Variants in FRAS1 observed in about 807,000 individuals in gnomAD.
The protein encoded by FRAS1 is extracellular matrix organizing protein FRAS1.
In FRAS1, 290 loss-of-function variants were observed where a neutral mutation model predicts 435.2. The observed-to-expected ratio is 0.67, with a 90% CI of 0.61 to 0.73. FRAS1 has a LOEUF of 0.73. Among genes scored for constraint, FRAS1 ranks in the 30% least tolerant of loss-of-function variants. FRAS1 has a pLI of 0.00. For synonymous variants in FRAS1, 1,800 were observed against 1,851.0 expected (o/e 0.97, Z 0.71); for missense variants, 4,860 against 5,001.5 (o/e 0.97, Z 0.85).
chr4:78,306,327 G>C (rs894611803), intron 14 of FRAS1, among the ~76,000 whole-genome samples: 1 of 150,068 alleles, frequency 6.7e-6, no homozygotes, highest in Non-Finnish European at 1.5e-5. Context: ...TGGTGAATCT[G>C]ACAATTATGC....
Position 78,369,960 on chromosome 4 carries a change from G to T in FRAS1, c.2845G>T (p.Asp949Tyr). 1 of 1,613,216 alleles carries T rather than the reference G, an allele frequency of 6.2e-7. No individual in the cohort carries two copies. ...YESCAPQYYLDFSTNTCKECD... is the reference protein window; with the variant it reads ...YESCAPQYYLYFSTNTCKECD... The stretch of plus-strand genomic sequence containing the variant: ...GAGCTGCGCCCCACAGTACTATCTT[G>T]ACTTCTCCACCAACACGTGCAAAGG... Residue 949 changes from aspartate to tyrosine, a missense_variant, in exon 23 of 74, where the codon GAC becomes TAC. Physicochemically the swap from Asp to Tyr is radical, Grantham distance 160 (BLOSUM62 -3). Transcript: ENST00000512123.
At chr4:78,140,636 CATATGTGT>C (rs1720121170) in intron 2 of FRAS1, among the ~76,000 whole-genome samples, 1 of 150,582 alleles carries the variant, frequency 6.6e-6, no homozygotes, top group Admixed American at 6.6e-5. Context: ...TACGCATATA[CATATGTGT>C]ATATGTATAT....
chr4:78,315,480 C>A, intron 15 of FRAS1, 114 bp from the exon 16 acceptor site: 4 of 1,121,710 alleles, frequency 3.6e-6, no homozygotes, highest in Non-Finnish European at 5.0e-6. Context: ...TGCTGAGCAG[C>A]CAGAAAATGA....
intron 2 of FRAS1, among the ~76,000 whole-genome samples, chr4:78,118,707 T>G (rs927759538): frequency 3.9e-5 from 6 of 152,168 alleles, no homozygotes; most frequent in Non-Finnish European, 7.4e-5. Context: ...ATTTTCCAGG[T>G]GCTGTCTGTC....
chr4:78,361,066 C>T (rs977944829), intron 20 of FRAS1, among the ~76,000 whole-genome samples: 6 of 152,204 alleles, frequency 3.9e-5, no homozygotes, highest in African/African-American at 9.6e-5. Context: ...TTTCAGATAA[C>T]GGAGCCTTGA....
At chr4:78,097,413 G>T (rs555176113) in intron 2 of FRAS1, among the ~76,000 whole-genome samples, 42 of 152,164 alleles carry the variant, frequency 2.8e-4, no homozygotes, top group African/African-American at 1.0e-3. Context: ...CACTCTACTG[G>T]TACTCATTTA....
At chr4:78,303,706 G>T (rs1249362673) in intron 14 of FRAS1, among the ~76,000 whole-genome samples, 2 of 152,112 alleles carry the variant, frequency 1.3e-5, no homozygotes, top group African/African-American at 4.8e-5. Flanking sequence ...CATTGATTTT[G>T]TATCCTGAGA....
rs554673711 is a variant in FRAS1, at chr4:78,072,661, G to A, written c.108+6645G>A. ...AATACCCTTGTATTGAATATTGTAG[G>A]ATATCACCATTTTAAGTTATAGTTT... On this transcript the variant is annotated intron_variant, in intron 2 of 73. Coordinates refer to ENST00000512123, the MANE Select transcript of FRAS1 (RefSeq NM_025074.7). Among the ~76,000 whole-genome samples the A allele has an allele frequency of 8.7e-4, 133 of 152,150 alleles. 1 individual carries two copies. Among genetic ancestry groups the A allele is most frequent in the Non-Finnish European group, 4.9e-4 (33 of 68,014 alleles).
Position 78,387,627 on chromosome 4 carries a change from G to T in FRAS1, c.3901G>T (p.Asp1301Tyr). 1.2e-6 allele frequency: 2 copies of T among 1,609,090 alleles called. No individual in the cohort carries two copies. Among genetic ancestry groups the T allele is most frequent in the Non-Finnish European group, 1.7e-6 (2 of 1,176,440 alleles). Residue 1301 changes from aspartate (D) to tyrosine (Y), a missense_variant, in exon 29 of 74, where the codon GAT becomes TAT. Physicochemically the swap from Asp to Tyr is radical, Grantham distance 160. Transcript: ENST00000512123. ...TCATGATGGTTCAGACAGCACATCC[G>T]ATGTTGCAGTCTTGCAGGCCAATGA... The part of the protein sequence containing the change: ...YAHDGSDSTS[D>Y]VAVLQANDGH...
At chr4:78,527,480 G>A (rs1259989463) in intron 70 of FRAS1, among the ~76,000 whole-genome samples, 1 of 152,198 alleles carries the variant, frequency 6.6e-6, no homozygotes, top group African/African-American at 2.4e-5. Flanking sequence ...TCTAGGAGCT[G>A]AGCAAAGTAT....
At chr4:78,221,725 A>G (rs1724056728) in intron 2 of FRAS1, among the ~76,000 whole-genome samples, 1 of 152,188 alleles carries the variant, frequency 6.6e-6, no homozygotes, top group African/African-American at 2.4e-5. Flanking sequence ...ATATTGTCCT[A>G]CAAAGAGTTT....
At chr4:78,141,675 T>C (rs1720189299) in intron 2 of FRAS1, among the ~76,000 whole-genome samples, 1 of 152,070 alleles carries the variant, frequency 6.6e-6, no homozygotes, top group South Asian at 2.1e-4. Context: ...AAAAAGATAC[T>C]TGCACACTCA....
intron 70 of FRAS1, among the ~76,000 whole-genome samples, chr4:78,527,690 G>C (rs1022333841): frequency 3.3e-5 from 5 of 152,164 alleles, no homozygotes; most frequent in African/African-American, 1.2e-4. Context: ...GTGAGCTTGA[G>C]AGAGAGGCGA....
chr4:78,531,692 G>A (rs79157587), intron 70 of FRAS1, among the ~76,000 whole-genome samples: 5,273 of 152,218 alleles, frequency 0.035, 304 homozygotes, highest in African/African-American at 0.12. Context: ...GAAATCAGAA[G>A]AGAACTTATG....
At position 78,369,887 on chromosome 4, in the gene FRAS1, C is replaced by T. The variant is rs1731428187; in HGVS notation, c.2772C>T (p.Ser924=). ...GTGATTCACAGGCCAGCTGTACCTC[C>T]TGCCGAGATCCAAACAAGGTTCTGC... The part of the protein sequence containing the change: ...GSCDSQASCT[S]CRDPNKVLLF... The change falls in exon 23 of 74, where the codon TCC becomes TCT. Residue 924 remains serine (S), a synonymous_variant. Transcript: ENST00000512123. 1 of 1,613,698 alleles carries T rather than the reference C, an allele frequency of 6.2e-7. No homozygotes were observed. Among genetic ancestry groups the T allele is most frequent in the Admixed American group, 1.7e-5 (1 of 59,974 alleles).
chr4:78,482,345 G>A lies in FRAS1; in HGVS notation c.8605-43G>A, dbSNP rs775193275. The A allele has an allele frequency of 3.0e-5, 49 of 1,612,698 alleles. 1 individual carries two copies. Among genetic ancestry groups the A allele is most frequent in the South Asian group, 2.6e-4 (24 of 90,964 alleles). The stretch of plus-strand genomic sequence containing the variant: ...CCCTAGTCAAGGTAAATGGGTGTTA[G>A]ATGGTGGGTCCTCTGTCAAGTTTGC... On this transcript the variant is annotated intron_variant, in intron 57 of 73. Transcript: ENST00000512123.
At chr4:78,082,555 C>CT (rs913076489) in intron 2 of FRAS1, among the ~76,000 whole-genome samples, 6 of 151,678 alleles carry the variant, frequency 4.0e-5, no homozygotes, top group Admixed American at 1.3e-4. Context: ...ATGAATGGGG[C>CT]TTTTTTTTCT....
At position 78,445,667 on chromosome 4, in the gene FRAS1, T is replaced by C; in HGVS notation, c.5811T>C (p.Asp1937=). 2.5e-6 allele frequency: 4 copies of C among 1,613,966 alleles called. No individual in the cohort carries two copies. The highest frequency in any genetic ancestry group is 2.2e-5 in the South Asian group (2 of 91,072). The change falls in exon 42 of 74, where the codon GAT becomes GAC. Residue 1937 remains aspartate (D), a synonymous_variant. Transcript: ENST00000512123. ...THDIFSFYVS[D]GTSRSEIHSI... ...ATATTTTTAGTTTTTATGTGAGTGA[T>C]GGAACCAGTCGTTCAGAAATTCACA...
intron 2 of FRAS1, among the ~76,000 whole-genome samples, chr4:78,216,895 G>C (rs981990667): frequency 6.6e-6 from 1 of 152,150 alleles, no homozygotes; most frequent in African/African-American, 2.4e-5. Context: ...TTTTCAAGGA[G>C]ATGCTAGAAG....
Sources: gnomAD v4.1 joint callset for allele counts (sites outside exome capture counted in the v4.1 genomes callset) on GRCh38, gnomAD v4.1.1 for gene constraint, MANE v1.5 for transcripts, NCBI Gene and HGNC (gene_info 2026-07-23, HGNC 2026-07-21) for gene names.